Variants in CD48 observed in about 807,000 individuals in gnomAD.
CD48 encodes the protein CD48 molecule.
CD48 carries 20 observed loss-of-function variants against 22.0 expected under a neutral mutation model. That is an observed-to-expected ratio of 0.91 (90% CI 0.64 to 1.32). The LOEUF (loss-of-function observed/expected upper bound fraction) is 1.32, where lower values mean the gene tolerates loss of function less well. CD48 is among the 40% of genes most tolerant of loss of function. The pLI, the probability that CD48 is intolerant of heterozygous loss-of-function variation, is 0.00. For synonymous variants in CD48, 110 were observed against 110.1 expected (o/e 1.00, Z 0.01); for missense variants, 307 against 286.5 (o/e 1.07, Z -0.52).
intron 1 of CD48, 97 bp downstream of exon 1, chr1:160,711,585 G>T: frequency 2.2e-6 from 2 of 902,110 alleles, no homozygotes; most frequent in Non-Finnish European, 3.7e-6. Flanking sequence ...CCAGACACCA[G>T]ATCTGGCTTC....
At chr1:160,684,752 G>GA in intron 2 of CD48, 135 bp downstream of exon 2, 1 of 1,601,920 alleles carries the variant, frequency 6.2e-7, no homozygotes, top group Non-Finnish European at 8.5e-7. Context: ...TTGGATCAAG[G>GA]AAAAATGAAT....
intron 2 of CD48, among the ~76,000 whole-genome samples, chr1:160,682,499 G>A (rs1375234468): frequency 7.4e-6 from 1 of 134,410 alleles, no homozygotes; most frequent in Non-Finnish European, 1.6e-5. Context: ...GAAAGAGAGA[G>A]AGAAGGGAAG....
intron 1 of CD48, 81 bp downstream of exon 1, chr1:160,711,600 GT>G: frequency 5.7e-6 from 6 of 1,058,598 alleles, no homozygotes; most frequent in Non-Finnish European, 8.8e-6. Context: ...GGCTTCTAGG[GT>G]TGAACTACAT....
At position 160,681,388 on chromosome 1, in the gene CD48, T is replaced by C. The variant is rs751027025; in HGVS notation, c.466A>G (p.Ile156Val). ...GTGTAGTTTACAGACTCGCCAGGTA[T>C]CACACATGACAGTTTCAGATAACAG... ...DNCYLKLSCVIPGESVNYTWY... is the reference protein window; with the variant it reads ...DNCYLKLSCVVPGESVNYTWY... The change falls in exon 3 of 4, where the codon ATA becomes GTA. Residue 156 changes from isoleucine to valine, a missense_variant. Physicochemically the swap from Ile to Val is conservative, Grantham distance 29. Coordinates refer to ENST00000368046, the MANE Select transcript of CD48 (RefSeq NM_001778.4). 5.6e-6 allele frequency: 9 copies of C among 1,614,200 alleles called. No homozygotes were observed. The highest frequency in any genetic ancestry group is 1.7e-5 in the Admixed American group (1 of 60,032).
At position 160,679,129 on chromosome 1, in the gene CD48, G is replaced by C. The variant is rs577061322; in HGVS notation, c.655C>G (p.Arg219Gly). ...VCLSPPCTLARSFGVEWIASW... is the reference protein window; with the variant it reads ...VCLSPPCTLAGSFGVEWIASW... ...GCAATCCATTCTACTCCAAAGGACC[G>C]GGCTGAAAGAGCAAGAAAACCCTAT... The change falls in exon 4 of 4, where the codon CGG becomes GGG. Residue 219 changes from arginine (R) to glycine (G), a missense_variant and splice_region_variant. Physicochemically the swap from Arg to Gly is moderately radical, Grantham distance 125. Transcript: ENST00000368046. 1 of 1,613,962 alleles carries C rather than the reference G, an allele frequency of 6.2e-7. No homozygotes were observed. Among genetic ancestry groups the C allele is most frequent in the South Asian group, 1.1e-5 (1 of 91,068 alleles).
chr1:160,678,993 A>T lies in CD48; in HGVS notation c.*59T>A. 1 of 1,262,734 alleles carries T rather than the reference A, an allele frequency of 7.9e-7. No individual in the cohort carries two copies. Among genetic ancestry groups the T allele is most frequent in the Non-Finnish European group, 1.2e-6 (1 of 859,544 alleles). The allele number at this position is 1,262,734 out of a possible 1,614,324, so 78.2% of individuals were successfully genotyped here. On this transcript the variant is annotated 3_prime_UTR_variant, in exon 4 of 4. Transcript: ENST00000368046. Reference sequence around the variant, plus strand: ...AGTCTCTGTCCTGGTGAGGAGCATGATCACCAACAGGCAAGATCTTCTGGC... The same window carrying T: ...AGTCTCTGTCCTGGTGAGGAGCATGTTCACCAACAGGCAAGATCTTCTGGC...
chr1:160,691,428 T>A (rs1662213671), intron 1 of CD48, among the ~76,000 whole-genome samples: 1 of 152,222 alleles, frequency 6.6e-6, no homozygotes, highest in South Asian at 2.1e-4. Context: ...GATGTTTATG[T>A]GTATGCATAT....
chr1:160,687,318 A>G (rs912391338), intron 1 of CD48, among the ~76,000 whole-genome samples: 4 of 152,140 alleles, frequency 2.6e-5, no homozygotes, highest in Non-Finnish European at 5.9e-5. Context: ...CACGTGTTCT[A>G]TAATTTGTGC....
At position 160,708,105 on chromosome 1, in the gene CD48, C is replaced by T. The variant is rs200623070; in HGVS notation, c.82+3577G>A. Among the ~76,000 whole-genome samples the T allele has an allele frequency of 2.0e-4, 30 of 152,024 alleles. 1 individual carries two copies. Among genetic ancestry groups the T allele is most frequent in the Admixed American group, 3.3e-4 (5 of 15,254 alleles). The stretch of plus-strand genomic sequence containing the variant: ...TTGGGGGTTGAGAATGGCTTCTGTA[C>T]GAGGAATTAGCCTAAGTGGGATGAA... On this transcript the variant is annotated intron_variant, in intron 1 of 3. Coordinates refer to ENST00000368046, the MANE Select transcript of CD48 (RefSeq NM_001778.4).
intron 1 of CD48, among the ~76,000 whole-genome samples, chr1:160,707,851 C>A (rs181612532): frequency 6.6e-6 from 1 of 152,130 alleles, no homozygotes; most frequent in Non-Finnish European, 1.5e-5. Flanking sequence ...TGCATACATG[C>A]GTACATGAAC....
chr1:160,686,494 G>A (rs1268869562), intron 1 of CD48: 4 of 152,182 alleles, frequency 2.6e-5, no homozygotes, highest in Non-Finnish European at 4.4e-5. Flanking sequence ...GCTAATATTT[G>A]TTAAGAACTA....
rs900634541 is a variant in CD48 at position 160,685,242 on chromosome 1, C to T, written c.83-53G>A. ...GCGCTAGAGGAGGCAGTGTTGCTGA[C>T]AGGCCCAGGGTATAGCCTGGGCTGG... On this transcript the variant is annotated intron_variant, in intron 1 of 3. Transcript: ENST00000368046. 4.0e-5 allele frequency: 57 copies of T among 1,413,140 alleles called. 1 individual carries two copies. Among genetic ancestry groups the T allele is most frequent in the Non-Finnish European group, 3.7e-5 (38 of 1,022,850 alleles). 87.5% of individuals were successfully genotyped at this position (1,413,140 alleles called of 1,614,324 possible).
At position 160,684,698 on chromosome 1, in the gene CD48, G is replaced by A. The variant is rs531807407; in HGVS notation, c.385+189C>T. 9 of 1,492,946 alleles carry A rather than the reference G, an allele frequency of 6.0e-6. No individual in the cohort carries two copies. In the African/African-American group the frequency reaches 8.4e-5, roughly 14 times the overall value. 92.5% of individuals were successfully genotyped at this position (1,492,946 alleles called of 1,614,324 possible). A position where few individuals can be genotyped will look rare whatever the true frequency, so the allele number is the denominator to read the frequency against. On this transcript the variant is annotated intron_variant, in intron 2 of 3. Coordinates refer to ENST00000368046, the MANE Select transcript of CD48 (RefSeq NM_001778.4). ...AAGAGGTGTTAAATGTCCTAAGATT[G>A]TTAATTTGGATATCTGTTGACCTAG...
chr1:160,682,729 T>C (rs1251346469), intron 2 of CD48, among the ~76,000 whole-genome samples: 1 of 152,174 alleles, frequency 6.6e-6, no homozygotes, highest in Non-Finnish European at 1.5e-5. Flanking sequence ...GGATAATTGC[T>C]TTTTGAAGAG....
chr1:160,711,722 C>A lies in CD48; in HGVS notation c.42G>T (p.Leu14Phe), dbSNP rs773280761. Residue 14 changes from leucine to phenylalanine, a missense_variant, in exon 1 of 4, where the codon TTG becomes TTT. Transcript: ENST00000368046. Reference sequence around the variant, plus strand: ...CCAGGAGTGACAGAGGCAGCAGTAGCAATTCCAGAGCCAGACACGAATCCC... The same window carrying A: ...CCAGGAGTGACAGAGGCAGCAGTAGAAATTCCAGAGCCAGACACGAATCCC... ...RGWDSCLALE[L>F]LLLPLSLLVT... 6.2e-7 allele frequency: 1 copy of A among 1,613,804 alleles called. No individual in the cohort carries two copies. The highest frequency in any genetic ancestry group is 1.7e-5 in the Admixed American group (1 of 60,014).
chr1:160,692,122 C>T (rs1662243393), intron 1 of CD48: 1 of 153,324 alleles, frequency 6.5e-6, no homozygotes, highest in Non-Finnish European at 1.5e-5. Flanking sequence ...TAATATCATT[C>T]CACTTACAGT....
At chr1:160,689,373 CA>C (rs1163023534) in intron 1 of CD48, among the ~76,000 whole-genome samples, 4 of 152,170 alleles carry the variant, frequency 2.6e-5, no homozygotes, top group African/African-American at 9.6e-5. Context: ...GGAAAAGGCA[CA>C]TAAGCCTAAT....
intron 1 of CD48, among the ~76,000 whole-genome samples, chr1:160,700,481 A>G (rs925299700): frequency 3.3e-5 from 5 of 152,196 alleles, no homozygotes; most frequent in African/African-American, 1.2e-4. Context: ...GGAAGAAAAC[A>G]TCACTCCACT....
At position 160,701,445 on chromosome 1, in the gene CD48, C is replaced by T. The variant is rs115744673; in HGVS notation, c.82+10237G>A. Among the ~76,000 whole-genome samples, 799 of 151,970 alleles carry T rather than the reference C, an allele frequency of 5.3e-3. 7 individuals carry two copies. The highest frequency in any genetic ancestry group is 0.018 in the African/African-American group (762 of 41,432). On this transcript the variant is annotated intron_variant, in intron 1 of 3. Transcript: ENST00000368046. The stretch of plus-strand genomic sequence containing the variant: ...GAAAGCGGCCACTGCTGAACCTAAA[C>T]GGGAGTTTTAGGTTTCCATTGTAAG...
Sources: allele counts gnomAD v4.1 joint callset (sites outside exome capture counted in the v4.1 genomes callset), GRCh38; gene constraint gnomAD v4.1.1; transcripts MANE v1.5; gene names NCBI Gene and HGNC (gene_info 2026-07-23, HGNC 2026-07-21).